IL1R2: variants seen among roughly 807,000 people sequenced by gnomAD.
IL1R2 encodes interleukin 1 receptor type 2, also known as interleukin-1 receptor type 2.
Under a neutral mutation model 39.5 loss-of-function variants are expected in IL1R2, and 46 were observed. The observed-to-expected ratio is 1.16, with a 90% CI of 0.92 to 1.49. The LOEUF (loss-of-function observed/expected upper bound fraction) is 1.49. IL1R2 is among the 40% of genes most tolerant of loss of function. The pLI is 0.00. For synonymous variants in IL1R2, 207 were observed against 189.6 expected, an observed-to-expected ratio of 1.09 and a Z score of -0.75; for missense variants, 537 against 502.0, an observed-to-expected ratio of 1.07 and a Z score of -0.67.
chr2:102,013,940 A>T (rs759766339), intron 3 of IL1R2, among the ~76,000 whole-genome samples: 2 of 152,120 alleles, frequency 1.3e-5, no homozygotes, highest in African/African-American at 2.4e-5. Flanking sequence ...AACTGGGCCT[A>T]TTTGGTGAGC....
chr2:102,016,175 A>G (rs1228346580), intron 4 of IL1R2, 124 bp downstream of exon 4: 15 of 716,306 alleles, frequency 2.1e-5, no homozygotes, highest in Non-Finnish European at 3.1e-5. Context: ...AAACACACAC[A>G]TGGTTTGCCT....
chr2:102,018,277 A>G (rs1238721117), intron 4 of IL1R2, among the ~76,000 whole-genome samples: 1 of 152,234 alleles, frequency 6.6e-6, no homozygotes, highest in Non-Finnish European at 1.5e-5. Flanking sequence ...CATAAAGAGG[A>G]CAAATGAAAG....
Position 102,014,725 on chromosome 2 carries a change from C to T in IL1R2, c.333-1146C>T, listed in dbSNP as rs567308867. 6.6e-5 allele frequency among the ~76,000 whole-genome samples: 10 copies of T among 151,872 alleles called. No individual in the cohort carries two copies. The South Asian group carries it at 1.9e-3, about 28-fold the overall frequency. ...AATTTTTACCCCTATATGTAAAACT[C>T]GTCCTTATTGTCTCTGTCAAAGTCT... On this transcript the variant is annotated intron_variant, in intron 3 of 8. Coordinates refer to ENST00000332549, the MANE Select transcript of IL1R2 (RefSeq NM_004633.4).
rs1254854934 is a variant in IL1R2 at position 102,019,828 on chromosome 2, T to A, written c.688+16T>A. The A allele has an allele frequency of 6.2e-7, 1 of 1,606,108 alleles. No individual in the cohort carries two copies. The highest frequency in any genetic ancestry group is 1.1e-5 in the South Asian group (1 of 90,306). On this transcript the variant is annotated intron_variant, in intron 5 of 8. Coordinates refer to ENST00000332549, the MANE Select transcript of IL1R2 (RefSeq NM_004633.4). The stretch of plus-strand genomic sequence containing the variant: ...CGCATCAAGAGTAAGTACTTGCCAT[T>A]GAGGCACCTATCTATCCTGGTTCAA...
chr2:102,003,810 G>GTCTGTGT (rs1553613723), intron 1 of IL1R2, among the ~76,000 whole-genome samples: 2 of 115,618 alleles, frequency 1.7e-5, no homozygotes, highest in African/African-American at 7.6e-5. Flanking sequence ...CTGTGGCTGT[G>GTCTGTGT]CTGTGTCTGT....
intron 6 of IL1R2, among the ~76,000 whole-genome samples, chr2:102,024,063 AC>A (rs1456590975): frequency 2.6e-5 from 4 of 151,632 alleles, no homozygotes; most frequent in African/African-American, 9.7e-5. Flanking sequence ...ACAAAACAAA[AC>A]AAAACAAAAA....
chr2:102,025,220 T>C (rs1677658931), intron 7 of IL1R2, among the ~76,000 whole-genome samples: 1 of 152,246 alleles, frequency 6.6e-6, no homozygotes, highest in Non-Finnish European at 1.5e-5. Context: ...TGGGAACTTG[T>C]TGCCTGTGAG....
At chr2:102,022,734 A>G (rs1337564132) in intron 6 of IL1R2, among the ~76,000 whole-genome samples, 1 of 152,228 alleles carries the variant, frequency 6.6e-6, no homozygotes, top group Non-Finnish European at 1.5e-5. Context: ...GAATGGTGCC[A>G]TGAAAATGAC....
intron 1 of IL1R2, among the ~76,000 whole-genome samples, chr2:102,005,635 A>G (rs754153313): frequency 1.3e-5 from 2 of 152,224 alleles, no homozygotes; most frequent in African/African-American, 2.4e-5. Flanking sequence ...AGCAGCAGGA[A>G]GGAAGATTAG....
In IL1R2 at chr2:101,993,790, CACA is replaced by C. The variant is rs983101550; in HGVS notation, c.-62+1782_-62+1784del. 5.8e-4 allele frequency among the ~76,000 whole-genome samples: 88 copies of C among 152,174 alleles called. 2 individuals are homozygous for C. Among genetic ancestry groups the C allele is most frequent in the Non-Finnish European group, 1.8e-4 (12 of 68,018 alleles). ...CCTTCAGGACTCCTCTACCCCCACCCACAACTCTGCTGTAAGATCTTTGTCAAG... is the reference window on the plus strand; with the variant it reads ...CCTTCAGGACTCCTCTACCCCCACCCACTCTGCTGTAAGATCTTTGTCAAG... On this transcript the variant is annotated intron_variant, in intron 1 of 8. Coordinates refer to ENST00000332549, the MANE Select transcript of IL1R2 (RefSeq NM_004633.4).
intron 8 of IL1R2, among the ~76,000 whole-genome samples, chr2:102,027,153 T>G (rs753947427): frequency 4.0e-4 from 61 of 152,196 alleles, no homozygotes; most frequent in Admixed American, 3.5e-3. Context: ...AGATCCACCC[T>G]GTCAAATATT....
chr2:102,013,552 AGGAAAGAAAG>A (rs1559421401), intron 3 of IL1R2, among the ~76,000 whole-genome samples: 91 of 89,958 alleles, frequency 1.0e-3, no homozygotes, highest in Non-Finnish European at 1.2e-3. Context: ...AAAAAAAAAA[AGGAAAGAAAG>A]AAAAGAAAAG....
chr2:102,024,683 G>T lies in IL1R2; in HGVS notation c.887+15G>T. The T allele has an allele frequency of 6.2e-7, 1 of 1,614,098 alleles. No homozygotes were observed. On this transcript the variant is annotated intron_variant, in intron 7 of 8. Coordinates refer to ENST00000332549, the MANE Select transcript of IL1R2 (RefSeq NM_004633.4). ...GGGCCACGCCAGTAAGTGGGCCAGG[G>T]TCTTCTGTTGAGAACTCTGTGGGTT...
intron 1 of IL1R2, among the ~76,000 whole-genome samples, chr2:102,002,498 C>CTGTGTCTGTGTCT (rs1301101863): frequency 4.9e-5 from 3 of 60,932 alleles, no homozygotes; most frequent in Admixed American, 1.6e-4. Flanking sequence ...TGTCTGTGTC[C>CTGTGTCTGTGTCT]GTGTCTGTGT....
intron 3 of IL1R2, among the ~76,000 whole-genome samples, chr2:102,011,412 T>C (rs1158002296): frequency 6.6e-6 from 1 of 152,240 alleles, no homozygotes; most frequent in Non-Finnish European, 1.5e-5. Flanking sequence ...TTCTATTATT[T>C]TTGATAATAA....
intron 4 of IL1R2, among the ~76,000 whole-genome samples, chr2:102,017,808 C>A (rs567249186): frequency 1.4e-4 from 21 of 152,036 alleles, no homozygotes; most frequent in Non-Finnish European, 3.1e-4. Flanking sequence ...TGATGGAGAC[C>A]CTGCAGACTC....
At position 102,019,741 on chromosome 2, in the gene IL1R2, G is replaced by T. The variant is rs138667044; in HGVS notation, c.617G>T (p.Arg206Leu). ...DVALEDAGYY[R>L]CVLTFAHEGQ... ...GCCCTGGAAGATGCTGGCTATTACC[G>T]CTGTGTCCTGACATTTGCCCATGAA... Residue 206 changes from arginine to leucine, a missense_variant, in exon 5 of 9, where the codon CGC becomes CTC. Arg to Leu is a moderately radical substitution (Grantham distance 102, BLOSUM62 -2). Coordinates refer to ENST00000332549, the MANE Select transcript of IL1R2 (RefSeq NM_004633.4). 1 of 1,614,062 alleles carries T rather than the reference G, an allele frequency of 6.2e-7. No homozygotes were observed. The highest frequency in any genetic ancestry group is 1.1e-5 in the South Asian group (1 of 91,054).
rs150924118 is a variant in IL1R2 at position 102,003,789 on chromosome 2, T to C, written c.-61-4726T>C. ...GTCTATGTCTACGTGTATATCTCTC[T>C]GTGTCTGTGTCTGTGGCTGTGCTGT... On this transcript the variant is annotated intron_variant, in intron 1 of 8. Transcript: ENST00000332549. Among the ~76,000 whole-genome samples the C allele has an allele frequency of 1.8e-3, 7 of 3,964 alleles. No individual in the cohort carries two copies. The East Asian group carries it at 0.047, about 26-fold the overall frequency. The allele number at this position is 3,964 out of a possible 152,430, so 2.6% of individuals were successfully genotyped here.
At chr2:102,002,041 T>C (rs148780151) in intron 1 of IL1R2, 59 of 152,272 alleles carry the variant, frequency 3.9e-4, no homozygotes, top group African/African-American at 1.3e-3. Flanking sequence ...ATGATAGAAA[T>C]AGAGAAGAGT....
Sources: allele counts gnomAD v4.1 joint callset (sites outside exome capture counted in the v4.1 genomes callset), GRCh38; gene constraint gnomAD v4.1.1; transcripts MANE v1.5; gene names NCBI Gene and HGNC (gene_info 2026-07-23, HGNC 2026-07-21).